The following LCOR variants were observed in gnomAD, a reference collection of about 807,000 sequenced individuals.
LCOR encodes the protein ligand-dependent corepressor.
Under a neutral mutation model 64.4 loss-of-function variants are expected in LCOR, and 14 were observed. That is an observed-to-expected ratio of 0.22 (90% CI 0.14 to 0.34). The LOEUF (loss-of-function observed/expected upper bound fraction) is 0.34. Among genes scored for constraint, LCOR ranks in the 10% least tolerant of loss-of-function variants. The pLI, the probability that LCOR is intolerant of heterozygous loss-of-function variation, is 1.00. For synonymous variants in LCOR, 643 were observed against 642.5 expected, an observed-to-expected ratio of 1.00 and a Z score of -0.01; for missense variants, 1,686 against 1,765.3, an observed-to-expected ratio of 0.96 and a Z score of 0.80.
chr10:96,877,743 C>G (rs1846193667), intron 2 of LCOR, among the ~76,000 whole-genome samples: 1 of 150,528 alleles, frequency 6.6e-6, no homozygotes, highest in Non-Finnish European at 1.5e-5. Context: ...TTTTGAGTAG[C>G]TGGGACTACA....
At chr10:96,953,002 T>C (rs914540736) in intron 7 of LCOR, among the ~76,000 whole-genome samples, 15 of 152,166 alleles carry the variant, frequency 9.9e-5, no homozygotes, top group African/African-American at 3.1e-4. Context: ...TACTTAGATA[T>C]TAAAGGAACA....
chr10:96,951,314 T>C (rs1281702094), intron 6 of LCOR, among the ~76,000 whole-genome samples: 1 of 152,130 alleles, frequency 6.6e-6, no homozygotes, highest in Admixed American at 6.5e-5. Flanking sequence ...TAGTAAAAAA[T>C]GGTTGTACTT....
chr10:96,963,431 CT>C (rs1847912244), intron 7 of LCOR: 3 of 152,284 alleles, frequency 2.0e-5, no homozygotes, highest in Admixed American at 2.0e-4. Context: ...AGCACTGGTC[CT>C]TGGGTGTCTG....
At chr10:96,897,101 CAA>C (rs370380714) in intron 2 of LCOR, among the ~76,000 whole-genome samples, 18 of 78,820 alleles carry the variant, frequency 2.3e-4, no homozygotes, top group Non-Finnish European at 3.6e-4. Context: ...GAAAGAAAAG[CAA>C]AAAAAAAAAA....
At chr10:96,906,090 A>AAGGG in intron 2 of LCOR, among the ~76,000 whole-genome samples, 1 of 152,180 alleles carries the variant, frequency 6.6e-6, no homozygotes, top group Non-Finnish European at 1.5e-5. Flanking sequence ...GGCAGGATAT[A>AAGGG]GTATTTTAAA....
intron 2 of LCOR, among the ~76,000 whole-genome samples, chr10:96,870,453 A>G (rs928718691): frequency 1.3e-5 from 2 of 152,232 alleles, no homozygotes; most frequent in East Asian, 3.8e-4. Flanking sequence ...GCACTGACAT[A>G]TTACAGCCTT....
chr10:96,965,115 T>C (rs1847935222), intron 7 of LCOR, among the ~76,000 whole-genome samples: 1 of 151,608 alleles, frequency 6.6e-6, no homozygotes, highest in Non-Finnish European at 1.5e-5. Flanking sequence ...TTCACACCAT[T>C]CTCCTGCCTC....
At chr10:96,851,429 A>G (rs946195532) in intron 2 of LCOR, among the ~76,000 whole-genome samples, 2 of 152,230 alleles carry the variant, frequency 1.3e-5, no homozygotes, top group African/African-American at 4.8e-5. Context: ...AAGTTTTAGC[A>G]TGAAGGATGC....
chr10:96,976,247 C>T lies in LCOR; in HGVS notation c.333-4546C>T, dbSNP rs186498573. ...CCATTTGCAGTTCTGTGGAAAGAAA[C>T]GTTTATTTTCTTTTCATTCTCCTGA... On this transcript the variant is annotated intron_variant, in intron 7 of 7. Coordinates refer to ENST00000421806, the MANE Select transcript of LCOR (RefSeq NM_001346516.2). Among the ~76,000 whole-genome samples, 250 of 152,200 alleles carry T rather than the reference C, an allele frequency of 1.6e-3. 4 individuals carry two copies. The highest frequency in any genetic ancestry group is 3.8e-4 in the Non-Finnish European group (26 of 68,008).
Position 96,982,983 on chromosome 10 carries a change from T to A in LCOR, c.2523T>A (p.Ala841=). Residue 841 remains alanine, a synonymous_variant, in exon 8 of 8, where the codon GCT becomes GCA. Coordinates refer to ENST00000421806, the MANE Select transcript of LCOR (RefSeq NM_001346516.2). ...ATCAGAGTTCAGATTCTTCCTCAGC[T>A]TGTCTTGAAATCAAAGTTCCTAAAA... ...LRNQSSDSSS[A]CLEIKVPKNP... The A allele has an allele frequency of 1.2e-6, 2 of 1,612,982 alleles. No homozygotes were observed. The highest frequency in any genetic ancestry group is 1.1e-5 in the South Asian group (1 of 90,802).
At chr10:96,859,662 A>G (rs1845856797) in intron 2 of LCOR, among the ~76,000 whole-genome samples, 3 of 152,008 alleles carry the variant, frequency 2.0e-5, no homozygotes, top group Non-Finnish European at 4.4e-5. Flanking sequence ...GGTTAAAGTA[A>G]TTCTCGTGCC....
chr10:96,982,152 C>A lies in LCOR; in HGVS notation c.1692C>A (p.Asn564Lys). The change falls in exon 8 of 8, where the codon AAC (asparagine) becomes AAA (lysine). Residue 564 changes from asparagine (N) to lysine (K), a missense_variant. By Grantham distance (94) the Asn-to-Lys change is moderately conservative (BLOSUM62 0). This residue lies in a region of LCOR where 1,293 missense variants were observed against 1,410.4 expected (regional missense o/e 0.92). Coordinates refer to ENST00000421806, the MANE Select transcript of LCOR (RefSeq NM_001346516.2). ...ATGTGCAGCTTCCCAGAGAAGACAACCCTGAAGAACCTAGCAAGGAAATCA... is the reference window on the plus strand; with the variant it reads ...ATGTGCAGCTTCCCAGAGAAGACAAACCTGAAGAACCTAGCAAGGAAATCA... ...TVDVQLPRED[N>K]PEEPSKEITS... The A allele has an allele frequency of 1.2e-6, 2 of 1,614,134 alleles. No individual in the cohort carries two copies. The highest frequency in any genetic ancestry group is 1.7e-6 in the Non-Finnish European group (2 of 1,180,012).
chr10:96,832,539 AC>A (rs994535882), intron 1 of LCOR, 140 bp downstream of exon 1: 2 of 75,264 alleles, frequency 2.7e-5, no homozygotes, highest in African/African-American at 9.1e-5. Flanking sequence ...CCCTTCCCCC[AC>A]CCCCCGGAGT....
intron 4 of LCOR, among the ~76,000 whole-genome samples, chr10:96,936,225 T>C (rs1847348739): frequency 6.6e-6 from 1 of 152,274 alleles, no homozygotes; most frequent in Non-Finnish European, 1.5e-5. Flanking sequence ...TCAGATGAAT[T>C]TTTAAAACTT....
chr10:96,904,723 T>A (rs1589645537), intron 2 of LCOR, among the ~76,000 whole-genome samples: 1 of 152,210 alleles, frequency 6.6e-6, no homozygotes, highest in Non-Finnish European at 1.5e-5. Context: ...CCATGGCATT[T>A]TGTTATTGAT....
chr10:96,901,838 C>T (rs1355031495), intron 2 of LCOR, among the ~76,000 whole-genome samples: 1 of 152,076 alleles, frequency 6.6e-6, no homozygotes, highest in Non-Finnish European at 1.5e-5. Flanking sequence ...GGCGCAATCT[C>T]GGCTCACTGC....
At chr10:96,844,723 G>C (rs886113634) in intron 2 of LCOR, among the ~76,000 whole-genome samples, 4 of 152,178 alleles carry the variant, frequency 2.6e-5, no homozygotes, top group African/African-American at 9.7e-5. Flanking sequence ...ACTGAGATTG[G>C]AGCGTAGGCT....
rs1160162869 is a variant in LCOR, at chr10:96,983,574, T to G, written c.3114T>G (p.Ser1038=). The G allele has an allele frequency of 1.2e-6, 2 of 1,614,178 alleles. No individual in the cohort carries two copies. The highest frequency in any genetic ancestry group is 2.2e-5 in the East Asian group (1 of 44,876). The change falls in exon 8 of 8, where the codon TCT becomes TCG. Residue 1038 remains serine (S), a synonymous_variant. Transcript: ENST00000421806. This position sits in a 1 kb window ranked among gnomAD's most constrained non-coding sequence, Gnocchi z 4.5. ...TGCCAAGGCCTAAAAGATTGACCTC[T>G]TCAACCTACAACCTAAGACACGCTC... is the stretch of plus-strand genomic sequence containing the variant. ...KSVPRPKRLT[S]STYNLRHAHS... is the part of the protein sequence containing the mutation.
chr10:96,859,417 G>A (rs1159280034), intron 2 of LCOR, among the ~76,000 whole-genome samples: 2 of 152,078 alleles, frequency 1.3e-5, no homozygotes, highest in Admixed American at 6.5e-5. Context: ...TCACCATGTT[G>A]GCCAGGCTGG....
Sources: allele counts gnomAD v4.1 joint callset (sites outside exome capture counted in the v4.1 genomes callset), GRCh38; gene constraint gnomAD v4.1.1; regional missense constraint gnomAD v4.1.1; non-coding constraint Gnocchi (gnomAD v3.1); transcripts MANE v1.5; gene names NCBI Gene and HGNC (gene_info 2026-07-23, HGNC 2026-07-21).